WDR33: variants seen among roughly 807,000 people sequenced by gnomAD.
The protein encoded by WDR33 is pre-mRNA 3' end processing protein WDR33.
WDR33 carries 47 observed loss-of-function variants against 164.9 expected under a neutral mutation model. The ratio of observed to expected loss-of-function variants is 0.29; its 90% CI spans 0.23 to 0.36. The LOEUF is 0.36. WDR33 is among the 10% of genes least tolerant of loss of function. WDR33 has a pLI of 1.00. For synonymous variants in WDR33, 505 were observed against 589.0 expected (o/e 0.86, Z 2.06); for missense variants, 1,137 against 1,754.1 (o/e 0.65, Z 6.28).
At chr2:127,715,449 T>C (rs1020905160) in intron 17 of WDR33, among the ~76,000 whole-genome samples, 4 of 152,168 alleles carry the variant, frequency 2.6e-5, no homozygotes, top group Non-Finnish European at 2.9e-5. Flanking sequence ...GCAATATATA[T>C]AAAATGCTTG....
chr2:127,737,048 A>G, intron 7 of WDR33: 14 of 985,440 alleles, frequency 1.4e-5, no homozygotes, highest in Non-Finnish European at 1.7e-5. Flanking sequence ...TTCAGTTATA[A>G]TAACCAGAAA....
chr2:127,738,768 A>G lies in WDR33; in HGVS notation c.725-11991T>C, dbSNP rs1448414895. On this transcript the variant is annotated intron_variant, in intron 7 of 21. Transcript: ENST00000322313. This position sits in a 1 kb window ranked among gnomAD's most constrained non-coding sequence, Gnocchi z 4.4. ...AACTTCTCATCAACACACTAGCTGC[A>G]AGAAGAGAGTGGGGCTACTCAGGGC... is the stretch of plus-strand genomic sequence containing the variant. Among the ~76,000 whole-genome samples, 1 of 152,224 alleles carries G rather than the reference A, an allele frequency of 6.6e-6. No homozygotes were observed. The highest frequency in any genetic ancestry group is 1.9e-4 in the East Asian group (1 of 5,198).
At position 127,701,586 on chromosome 2, in the gene WDR33, C is replaced by T. The variant is rs764569227; in HGVS notation, c.*4737G>A. The T allele has an allele frequency of 1.1e-5, 15 of 1,359,374 alleles. No homozygotes were observed. Among genetic ancestry groups the T allele is most frequent in the East Asian group, 3.0e-5 (1 of 32,972 alleles). 84.2% of individuals were successfully genotyped at this position (1,359,374 alleles called of 1,614,324 possible). Reference sequence around the variant, plus strand: ...CCTGGCGCAGGGGAAAGCTGGCGGCCCGGCGGCCGCGGAGCCGCTGCTCGC... The same window carrying T: ...CCTGGCGCAGGGGAAAGCTGGCGGCTCGGCGGCCGCGGAGCCGCTGCTCGC... On this transcript the variant is annotated 3_prime_UTR_variant, in exon 22 of 22. Transcript: ENST00000322313.
chr2:127,735,757 A>C lies in WDR33; in HGVS notation c.725-8980T>G. The C allele has an allele frequency of 2.0e-6, 2 of 985,476 alleles. No individual in the cohort carries two copies. Among genetic ancestry groups the C allele is most frequent in the Non-Finnish European group, 2.4e-6 (2 of 829,928 alleles). The allele number at this position is 985,476 out of a possible 1,614,324, so 61.0% of individuals were successfully genotyped here. A position where few individuals can be genotyped will look rare whatever the true frequency, so the allele number is the denominator to read the frequency against. On this transcript the variant is annotated intron_variant, in intron 7 of 21. Transcript: ENST00000322313. This position sits in a 1 kb window ranked among gnomAD's most constrained non-coding sequence, Gnocchi z 4.3. ...GATTTAAGATTTTAAAAAATTAAGAAGCATAAGTAATCTGTGCTCTGGTCA... is the reference window on the plus strand; with the variant it reads ...GATTTAAGATTTTAAAAAATTAAGACGCATAAGTAATCTGTGCTCTGGTCA...
At chr2:127,785,449 T>TA (rs1190686788) in intron 1 of WDR33, among the ~76,000 whole-genome samples, 3 of 152,232 alleles carry the variant, frequency 2.0e-5, no homozygotes, top group African/African-American at 7.2e-5. Context: ...TCTGCTGCCC[T>TA]AAAAATCCTC....
At chr2:127,740,575 C>A (rs1052645780) in intron 7 of WDR33, among the ~76,000 whole-genome samples, 1 of 152,176 alleles carries the variant, frequency 6.6e-6, no homozygotes, top group Non-Finnish European at 1.5e-5. Flanking sequence ...TCAACACAAT[C>A]TTTCAATTAT....
At chr2:127,782,840 T>A (rs1688422124) in intron 1 of WDR33, among the ~76,000 whole-genome samples, 1 of 152,098 alleles carries the variant, frequency 6.6e-6, no homozygotes, top group Non-Finnish European at 1.5e-5. Context: ...AAACCCCATC[T>A]CTACTAAAAA....
In WDR33 at chr2:127,723,271, C is replaced by T; in HGVS notation, c.1273G>A (p.Glu425Lys). 6.2e-7 allele frequency: 1 copy of T among 1,613,992 alleles called. No homozygotes were observed. Among genetic ancestry groups the T allele is most frequent in the Non-Finnish European group, 8.5e-7 (1 of 1,179,948 alleles). Residue 425 changes from glutamate to lysine, a missense_variant, in exon 12 of 22, where the codon GAA (glutamate) becomes AAA (lysine). This residue lies in a region of WDR33 where 21 missense variants were observed against 102.2 expected (regional missense o/e 0.21). Transcript: ENST00000322313. The surrounding 1 kb of genome is among the most constrained non-coding windows in gnomAD (Gnocchi z 5.9). ...YNLNLLPGMS[E>K]DGVEYDDLEP... is the part of the protein sequence containing the mutation. ...GTCTCACCATATTCTACTCCATCTT[C>T]AGACATTCCAGGTAAAAGGTTTAGA...
chr2:127,706,661 GC>G lies in WDR33; in HGVS notation c.3782-110del. 1.0e-6 allele frequency: 1 copy of G among 987,958 alleles called. No individual in the cohort carries two copies. Among genetic ancestry groups the G allele is most frequent in the Non-Finnish European group, 1.5e-6 (1 of 681,816 alleles). 61.2% of individuals were successfully genotyped at this position (987,958 alleles called of 1,614,324 possible). On this transcript the variant is annotated intron_variant, in intron 21 of 21. Transcript: ENST00000322313. This position sits in a 1 kb window ranked among gnomAD's most constrained non-coding sequence, Gnocchi z 5.1. The stretch of plus-strand genomic sequence containing the variant: ...TGACAATGGACCAGTTCTGGTGGGT[GC>G]CAGGGAGACTGGCAGTGGTATTCAG...
At position 127,718,341 on chromosome 2, in the gene WDR33, T is replaced by C. The variant is rs991769684; in HGVS notation, c.2760+924A>G. ...CAACATTAGCTGACTCGCTCACTTT[T>C]GGTCCACACTGGACCAAAAGTGAGT... On this transcript the variant is annotated intron_variant, in intron 16 of 21. Coordinates refer to ENST00000322313, the MANE Select transcript of WDR33 (RefSeq NM_018383.5). This position sits in a 1 kb window ranked among gnomAD's most constrained non-coding sequence, Gnocchi z 4.4. 6.6e-6 allele frequency among the ~76,000 whole-genome samples: 1 copy of C among 152,108 alleles called. No homozygotes were observed. Among genetic ancestry groups the C allele is most frequent in the African/African-American group, 2.4e-5 (1 of 41,428 alleles).
rs1469257270 is a variant in WDR33 at position 127,726,601 on chromosome 2, T to C, written c.851+50A>G. The C allele has an allele frequency of 6.3e-7, 1 of 1,596,472 alleles. No homozygotes were observed. Among genetic ancestry groups the C allele is most frequent in the East Asian group, 2.2e-5 (1 of 44,732 alleles). On this transcript the variant is annotated intron_variant, in intron 8 of 21. Coordinates refer to ENST00000322313, the MANE Select transcript of WDR33 (RefSeq NM_018383.5). The surrounding 1 kb of genome is among the most constrained non-coding windows in gnomAD (Gnocchi z 4.8). ...CAAAGCTAAAAGTTAAAGGACACAC[T>C]GCTTTGCTCCCCTTTGTTCAGGGGC...
rs1686373926 is a variant in WDR33, at chr2:127,719,404, T to G, written c.2621A>C (p.Gln874Pro). ...PPQGSLGPPP[Q>P]GGMQGPPGPQ... Reference sequence around the variant, plus strand: ...TCCGGGGGGTCCTTGCATGCCACCCTGGGGTGGAGGTCCTAAAGAGCCCTG... The same window carrying G: ...TCCGGGGGGTCCTTGCATGCCACCCGGGGGTGGAGGTCCTAAAGAGCCCTG... Residue 874 changes from glutamine (Q) to proline (P), a missense_variant, in exon 16 of 22, where the codon CAG (glutamine) becomes CCG (proline). Gln to Pro is a moderately conservative substitution (Grantham distance 76). This residue lies in a region of WDR33 where 867 missense variants were observed against 1,073.0 expected (regional missense o/e 0.81). Transcript: ENST00000322313. The surrounding 1 kb of genome is among the most constrained non-coding windows in gnomAD (Gnocchi z 6.5). 6.5e-7 allele frequency: 1 copy of G among 1,530,740 alleles called. No individual in the cohort carries two copies. The allele number at this position is 1,530,740 out of a possible 1,614,324, so 94.8% of individuals were successfully genotyped here.
At chr2:127,737,357 G>GTA in intron 7 of WDR33, 1 of 985,396 alleles carries the variant, frequency 1.0e-6, no homozygotes, top group Non-Finnish European at 1.2e-6. Flanking sequence ...AGGTGTGTGT[G>GTA]TACATATGTG....
intron 1 of WDR33, among the ~76,000 whole-genome samples, chr2:127,796,849 A>G (rs1689058808): frequency 1.3e-5 from 2 of 152,122 alleles, no homozygotes; most frequent in Non-Finnish European, 2.9e-5. Context: ...ATTAAAAAGC[A>G]TACTTCTTAT....
At position 127,717,781 on chromosome 2, in the gene WDR33, G is replaced by A. The variant is rs1035571954; in HGVS notation, c.2761-518C>T. Among the ~76,000 whole-genome samples the A allele has an allele frequency of 6.6e-6, 1 of 152,000 alleles. No individual in the cohort carries two copies. The highest frequency in any genetic ancestry group is 6.5e-5 in the Admixed American group (1 of 15,270). On this transcript the variant is annotated intron_variant, in intron 16 of 21. Transcript: ENST00000322313. This position sits in a 1 kb window ranked among gnomAD's most constrained non-coding sequence, Gnocchi z 5.6. ...CCATGTATAAAATCTTTTACTACAT[G>A]GTACAATAAAAAATCTCATTGAATT... is the stretch of plus-strand genomic sequence containing the variant.
Position 127,723,141 on chromosome 2 carries a change from T to A in WDR33, c.1292-97A>T. 1 of 1,416,536 alleles carries A rather than the reference T, an allele frequency of 7.1e-7. No homozygotes were observed. The highest frequency in any genetic ancestry group is 1.5e-5 in the African/African-American group (1 of 68,702). The allele number at this position is 1,416,536 out of a possible 1,614,324, so 87.7% of individuals were successfully genotyped here. On this transcript the variant is annotated intron_variant, in intron 12 of 21. Coordinates refer to ENST00000322313, the MANE Select transcript of WDR33 (RefSeq NM_018383.5). This position sits in a 1 kb window ranked among gnomAD's most constrained non-coding sequence, Gnocchi z 5.9. ...AAAAATGAATGTCACTGATGATTTA[T>A]AAATAAATCTACTATAAAATTAAAA...
intron 7 of WDR33, among the ~76,000 whole-genome samples, chr2:127,743,222 G>A (rs989839885): frequency 1.3e-5 from 2 of 152,106 alleles, no homozygotes; most frequent in Admixed American, 1.3e-4. Context: ...TACTCAAATT[G>A]AAAAATTAAA....
chr2:127,784,101 T>A (rs1448894638), intron 1 of WDR33, among the ~76,000 whole-genome samples: 1 of 152,230 alleles, frequency 6.6e-6, no homozygotes, highest in Non-Finnish European at 1.5e-5. Context: ...TTCACATTTC[T>A]GCTTATCTTT....
At chr2:127,778,200 C>G (rs1369926502) in intron 1 of WDR33, among the ~76,000 whole-genome samples, 5 of 151,998 alleles carry the variant, frequency 3.3e-5, no homozygotes, top group Admixed American at 3.3e-4. Context: ...CTTTGGGAGG[C>G]CGAGGTGGGT....
Sources: allele counts gnomAD v4.1 joint callset (sites outside exome capture counted in the v4.1 genomes callset), GRCh38; gene constraint gnomAD v4.1.1; regional missense constraint gnomAD v4.1.1; non-coding constraint Gnocchi (gnomAD v3.1); transcripts MANE v1.5; gene names NCBI Gene and HGNC (gene_info 2026-07-23, HGNC 2026-07-21).